Variants in NYAP2 observed in about 807,000 individuals in gnomAD.
NYAP2 encodes neuronal tyrosine-phosphorylated phosphoinositide-3-kinase adapter 2.
In NYAP2, 23 loss-of-function variants were observed where a neutral mutation model predicts 50.4. That is an observed-to-expected ratio of 0.46 (90% CI 0.33 to 0.65). NYAP2 has a LOEUF of 0.65. Among genes scored for constraint, NYAP2 ranks in the 30% least tolerant of loss-of-function variants. The pLI, the probability that NYAP2 is intolerant of heterozygous loss-of-function variation, is 0.02. For missense variants in NYAP2, 885 were observed against 861.0 expected, an observed-to-expected ratio of 1.03 and a Z score of -0.35; for synonymous variants, 394 against 365.2, an observed-to-expected ratio of 1.08 and a Z score of -0.90.
At chr2:225,425,334 T>C (rs1311098144) in intron 3 of NYAP2, among the ~76,000 whole-genome samples, 1 of 152,188 alleles carries the variant, frequency 6.6e-6, no homozygotes. Flanking sequence ...GTGTGTTTGA[T>C]CTATTGATGT....
rs148187984 is a variant in NYAP2 at position 225,592,242 on chromosome 2, G to T, written c.1618+9207G>T. Among the ~76,000 whole-genome samples the T allele has an allele frequency of 6.3e-4, 96 of 152,288 alleles. 1 individual carries two copies. The East Asian group carries it at 0.018, about 29-fold the overall frequency. ...TACCATCCTGGGATACAGGGCTTTT[G>T]TTTTCAGTGCTTGCATCTTGGCCAT... On this transcript the variant is annotated intron_variant, in intron 5 of 6. Transcript: ENST00000636099.
At chr2:225,532,969 A>T (rs1463447199) in intron 4 of NYAP2, among the ~76,000 whole-genome samples, 2 of 152,158 alleles carry the variant, frequency 1.3e-5, no homozygotes, top group Non-Finnish European at 2.9e-5. Flanking sequence ...AGAAAGATAG[A>T]TTCTCTCCCT....
chr2:225,568,555 A>C (rs1453954126), intron 4 of NYAP2, among the ~76,000 whole-genome samples: 2 of 152,200 alleles, frequency 1.3e-5, no homozygotes, highest in Non-Finnish European at 2.9e-5. Flanking sequence ...AAGGTCTATA[A>C]GTCACTCAGC....
chr2:225,409,210 T>C (rs1694991389), intron 3 of NYAP2, 109 bp downstream of exon 3: 6 of 778,992 alleles, frequency 7.7e-6, no homozygotes, highest in South Asian at 3.7e-5. Context: ...CAGAGTCAGT[T>C]AGACTTGGTG....
In NYAP2 at chr2:225,518,572, G is replaced by T. The variant is rs1343864234; in HGVS notation, c.523+4900G>T. Among the ~76,000 whole-genome samples the T allele has an allele frequency of 4.7e-3, 71 of 15,136 alleles. 14 individuals carry two copies. Among genetic ancestry groups the T allele is most frequent in the South Asian group, 9.3e-3 (3 of 324 alleles). The allele number at this position is 15,136 out of a possible 152,430, so 9.9% of individuals were successfully genotyped here. A position where few individuals can be genotyped will look rare whatever the true frequency, so the allele number is the denominator to read the frequency against. ...TATATATATATATATATATATATTA[G>T]CGTGTGCGCTTATATATATATATAT... On this transcript the variant is annotated intron_variant, in intron 4 of 6. Coordinates refer to ENST00000636099, the Ensembl canonical transcript of NYAP2.
At chr2:225,419,384 G>C (rs1695179798) in intron 3 of NYAP2, among the ~76,000 whole-genome samples, 1 of 152,148 alleles carries the variant, frequency 6.6e-6, no homozygotes, top group Non-Finnish European at 1.5e-5. Context: ...CTGTTCTTGG[G>C]TATTTCAATA....
At chr2:225,599,676 T>A (rs966205897) in intron 5 of NYAP2, among the ~76,000 whole-genome samples, 1 of 152,180 alleles carries the variant, frequency 6.6e-6, no homozygotes, top group Non-Finnish European at 1.5e-5. Context: ...CCAGTAAAAC[T>A]GATGGAAGAA....
chr2:225,467,860 T>C (rs566019306), intron 3 of NYAP2, among the ~76,000 whole-genome samples: 2 of 152,260 alleles, frequency 1.3e-5, no homozygotes, highest in South Asian at 2.1e-4. Context: ...ATTCAACAAA[T>C]ACTTAGTGAG....
At chr2:225,410,169 G>A (rs1315901340) in intron 3 of NYAP2, among the ~76,000 whole-genome samples, 1 of 151,972 alleles carries the variant, frequency 6.6e-6, no homozygotes, top group African/African-American at 2.4e-5. Context: ...GAGATGATTT[G>A]AAAGCAAAAA....
chr2:225,442,558 G>GTATTT (rs752970577), intron 3 of NYAP2, among the ~76,000 whole-genome samples: 2 of 151,988 alleles, frequency 1.3e-5, no homozygotes, highest in South Asian at 2.1e-4. Flanking sequence ...AAAGAGGTTT[G>GTATTT]TATTTTATTT....
At chr2:225,680,798 T>G in the NYAP2 span, among the ~76,000 whole-genome samples, 1 of 152,172 alleles carries the variant, frequency 6.6e-6, no homozygotes, top group Non-Finnish European at 1.5e-5. Flanking sequence ...AAAGCATATA[T>G]AAAGAGTTTC....
chr2:225,641,642 A>T (rs1472378138), intron 6 of NYAP2, among the ~76,000 whole-genome samples: 3 of 151,918 alleles, frequency 2.0e-5, no homozygotes, highest in South Asian at 4.2e-4. Flanking sequence ...GTAAAACCCC[A>T]TCTCTACTAA....
rs569570138 is a variant in NYAP2, at chr2:225,605,434, C to G, written c.1619-21483C>G. ...CTGTCTTAGATCAGTGACTTTTTAA[C>G]CTCCTAATGATTGTTTGTCAGTTGA... On this transcript the variant is annotated intron_variant, in intron 5 of 6. Coordinates refer to ENST00000636099, the Ensembl canonical transcript of NYAP2. 7.2e-5 allele frequency among the ~76,000 whole-genome samples: 11 copies of G among 152,216 alleles called. No homozygotes were observed. The South Asian group carries it at 8.3e-4, about 11-fold the overall frequency.
intron 3 of NYAP2, among the ~76,000 whole-genome samples, chr2:225,492,437 T>A (rs1690425326): frequency 6.6e-6 from 1 of 152,228 alleles, no homozygotes. Context: ...TTGCAACTCA[T>A]CTTTCCATTT....
At chr2:225,666,840 C>G in the NYAP2 span, among the ~76,000 whole-genome samples, 4 of 144,012 alleles carry the variant, frequency 2.8e-5, no homozygotes, top group East Asian at 4.3e-4. Flanking sequence ...ATATTCCCCC[C>G]CCTCCATGCC....
At chr2:225,620,429 ACGCACACACGCACGCACACG>A (rs1693074661) in intron 5 of NYAP2, among the ~76,000 whole-genome samples, 1 of 30,742 alleles carries the variant, frequency 3.3e-5, no homozygotes, top group African/African-American at 8.3e-5. Context: ...ACGCACACGC[ACGCACACACGCACGCACACG>A]CACGCACACA....
chr2:225,616,078 G>A (rs908650629), intron 5 of NYAP2, among the ~76,000 whole-genome samples: 2 of 152,094 alleles, frequency 1.3e-5, no homozygotes, highest in South Asian at 2.1e-4. Flanking sequence ...AGGACTTTTT[G>A]CATATTCCAC....
intron 5 of NYAP2, among the ~76,000 whole-genome samples, chr2:225,599,765 A>G (rs370497616): frequency 1.3e-5 from 2 of 152,256 alleles, no homozygotes; most frequent in South Asian, 2.1e-4. Flanking sequence ...GAAGATCTGT[A>G]CTTTTAAAAA....
At chr2:225,563,519 GTGTAC>G (rs1298695573) in intron 4 of NYAP2, among the ~76,000 whole-genome samples, 1 of 152,106 alleles carries the variant, frequency 6.6e-6, no homozygotes, top group Non-Finnish European at 1.5e-5. Flanking sequence ...AGAAGGCTAT[GTGTAC>G]TGTAATAACT....
Sources: gnomAD v4.1 joint callset for allele counts (sites outside exome capture counted in the v4.1 genomes callset) on GRCh38, gnomAD v4.1.1 for gene constraint, MANE v1.5 for transcripts, NCBI Gene and HGNC (gene_info 2026-07-23, HGNC 2026-07-21) for gene names.